Variants in UNC5D observed in about 807,000 individuals in gnomAD.
UNC5D encodes the protein netrin receptor UNC5D.
In UNC5D, 39 loss-of-function variants were observed where a neutral mutation model predicts 105.4. The observed-to-expected ratio is 0.37, with a 90% CI of 0.29 to 0.48. UNC5D has a LOEUF of 0.48. Among genes scored for constraint, UNC5D ranks in the 20% least tolerant of loss-of-function variants. The probability of loss-of-function intolerance (pLI) is 0.98; values close to 1 mark genes in which losing one functional copy is unlikely to be tolerated. For synonymous variants in UNC5D, 452 were observed against 450.4 expected, an observed-to-expected ratio of 1.00 and a Z score of -0.04; for missense variants, 991 against 1,202.4, an observed-to-expected ratio of 0.82 and a Z score of 2.60.
chr8:35,534,036 C>G (rs10111660), intron 1 of UNC5D, among the ~76,000 whole-genome samples: 64 of 152,230 alleles, frequency 4.2e-4, no homozygotes, highest in African/African-American at 1.4e-3. Context: ...AACTGTAGAC[C>G]GGAGCTGTTC....
chr8:35,601,654 C>A (rs1037839630), intron 4 of UNC5D, among the ~76,000 whole-genome samples: 4 of 152,142 alleles, frequency 2.6e-5, no homozygotes, highest in African/African-American at 9.7e-5. Flanking sequence ...GATTTTGTAT[C>A]CTGAGACTTT....
intron 11 of UNC5D, among the ~76,000 whole-genome samples, chr8:35,736,586 T>C (rs892122271): frequency 2.0e-4 from 31 of 152,142 alleles, no homozygotes; most frequent in Non-Finnish European, 3.8e-4. Context: ...CATAAGCAAA[T>C]CCAGTTCTTT....
intron 1 of UNC5D, among the ~76,000 whole-genome samples, chr8:35,452,251 A>T (rs973833207): frequency 6.6e-6 from 1 of 152,046 alleles, no homozygotes; most frequent in African/African-American, 2.4e-5. Context: ...GAAAATTCTA[A>T]TATCTATTTT....
At chr8:35,565,138 T>A (rs1425889901) in intron 2 of UNC5D, among the ~76,000 whole-genome samples, 1 of 152,158 alleles carries the variant, frequency 6.6e-6, no homozygotes, top group Non-Finnish European at 1.5e-5. Flanking sequence ...AAGTGGTAGA[T>A]CTACTTTAGT....
intron 13 of UNC5D, among the ~76,000 whole-genome samples, chr8:35,756,836 T>G (rs1830543337): frequency 1.3e-5 from 2 of 152,214 alleles, no homozygotes; most frequent in African/African-American, 4.8e-5. Flanking sequence ...CACATGACCT[T>G]GAACAAGTCA....
chr8:35,468,591 A>G (rs1275752414), intron 1 of UNC5D, among the ~76,000 whole-genome samples: 1 of 152,132 alleles, frequency 6.6e-6, no homozygotes, highest in Non-Finnish European at 1.5e-5. Flanking sequence ...TCCTTGAGTT[A>G]TTACATTCAT....
At position 35,726,371 on chromosome 8, in the gene UNC5D, G is replaced by C. The variant is rs756500636; in HGVS notation, c.1523G>C (p.Arg508Thr). The C allele has an allele frequency of 3.7e-6, 6 of 1,613,952 alleles. No homozygotes were observed. The highest frequency in any genetic ancestry group is 5.1e-6 in the Non-Finnish European group (6 of 1,180,016). Residue 508 changes from arginine to threonine, a missense_variant, in exon 10 of 17, where the codon AGG becomes ACG. By Grantham distance (71) the Arg-to-Thr change is moderately conservative. Transcript: ENST00000404895. ...GAGTACCACGGCAAGAATCATTCCAGGACTTTTCCCCATGGAAACAACCAC... is the reference window on the plus strand; with the variant it reads ...GAGTACCACGGCAAGAATCATTCCACGACTTTTCCCCATGGAAACAACCAC... The part of the protein sequence containing the change: ...RAEYHGKNHS[R>T]TFPHGNNHSF...
chr8:35,502,725 ATT>A, intron 1 of UNC5D, among the ~76,000 whole-genome samples: 1 of 144,988 alleles, frequency 6.9e-6, no homozygotes. Flanking sequence ...TGCCCGGCTA[ATT>A]TTTTTTTTTT....
chr8:35,650,508 C>A (rs1823338440), intron 4 of UNC5D, among the ~76,000 whole-genome samples: 1 of 152,146 alleles, frequency 6.6e-6, no homozygotes, highest in Admixed American at 6.5e-5. Context: ...ACTCTTGTCA[C>A]CCAGGCTGGA....
intron 4 of UNC5D, among the ~76,000 whole-genome samples, chr8:35,682,365 G>T (rs1190347849): frequency 6.6e-6 from 1 of 152,212 alleles, no homozygotes; most frequent in African/African-American, 2.4e-5. Flanking sequence ...TGTGCTTGTG[G>T]TGAGCAGAGT....
At chr8:35,583,986 C>T (rs1184557279) in intron 3 of UNC5D, among the ~76,000 whole-genome samples, 3 of 152,122 alleles carry the variant, frequency 2.0e-5, no homozygotes, top group Non-Finnish European at 4.4e-5. Context: ...CAGGGTTGAT[C>T]ATTCTGGTGC....
rs574022930 is a variant in UNC5D at position 35,699,405 on chromosome 8, C to T, written c.1085-6524C>T. Among the ~76,000 whole-genome samples, 33 of 152,272 alleles carry T rather than the reference C, an allele frequency of 2.2e-4. No homozygotes were observed. The South Asian group carries it at 5.0e-3, about 23-fold the overall frequency. ...TGTTTTGGTACCCTTCTGACTTCAT[C>T]TAATTAGCATGATGGGATCTTGAAC... is the stretch of plus-strand genomic sequence containing the variant. On this transcript the variant is annotated intron_variant, in intron 7 of 16. Coordinates refer to ENST00000404895, the MANE Select transcript of UNC5D (RefSeq NM_080872.4).
At chr8:35,384,613 T>G (rs1036787706) in intron 1 of UNC5D, among the ~76,000 whole-genome samples, 3 of 152,186 alleles carry the variant, frequency 2.0e-5, no homozygotes, top group African/African-American at 7.2e-5. Context: ...AAGTTACACA[T>G]GGTGGCAATT....
At chr8:35,786,101 C>T (rs1235016238) in intron 16 of UNC5D, among the ~76,000 whole-genome samples, 2 of 152,160 alleles carry the variant, frequency 1.3e-5, no homozygotes, top group Non-Finnish European at 2.9e-5. Flanking sequence ...GTAGTACTTA[C>T]ATTTATAATG....
intron 7 of UNC5D, among the ~76,000 whole-genome samples, chr8:35,699,229 T>C (rs180860957): frequency 2.0e-5 from 3 of 152,264 alleles, no homozygotes; most frequent in Admixed American, 1.3e-4. Context: ...CTTATGAGCA[T>C]AGTCATTAAG....
chr8:35,277,409 C>A (rs1048596517), intron 1 of UNC5D, among the ~76,000 whole-genome samples: 2 of 152,154 alleles, frequency 1.3e-5, no homozygotes, highest in African/African-American at 4.8e-5. Context: ...GATTACATTT[C>A]TTTGATAATT....
At chr8:35,260,899 G>A (rs1470428039) in intron 1 of UNC5D, among the ~76,000 whole-genome samples, 2 of 152,132 alleles carry the variant, frequency 1.3e-5, no homozygotes, top group Admixed American at 6.5e-5. Flanking sequence ...TTCCAAGAAG[G>A]CACTCAGGAC....
At chr8:35,652,348 T>A (rs545744584) in intron 4 of UNC5D, among the ~76,000 whole-genome samples, 1 of 152,322 alleles carries the variant, frequency 6.6e-6, no homozygotes, top group Non-Finnish European at 1.5e-5. Context: ...ATGTGTCAAT[T>A]GCTATGTCTT....
intron 7 of UNC5D, among the ~76,000 whole-genome samples, chr8:35,688,182 CTG>C (rs1826154929): frequency 6.6e-6 from 1 of 151,390 alleles, no homozygotes; most frequent in South Asian, 2.1e-4. Context: ...ACACACAAGA[CTG>C]AGCACTTACT....
Sources: gnomAD v4.1 joint callset for allele counts (sites outside exome capture counted in the v4.1 genomes callset) on GRCh38, gnomAD v4.1.1 for gene constraint, MANE v1.5 for transcripts, NCBI Gene and HGNC (gene_info 2026-07-23, HGNC 2026-07-21) for gene names.